The following LRRK1 variants were observed in gnomAD, a reference collection of about 807,000 sequenced individuals.
LRRK1 encodes the protein leucine-rich repeat serine/threonine-protein kinase 1.
In LRRK1, 113 loss-of-function variants were observed where a neutral mutation model predicts 209.1. The observed-to-expected ratio is 0.54, with a 90% confidence interval of 0.46 to 0.63. The LOEUF is 0.63. LRRK1 is among the 30% of genes least tolerant of loss of function. The pLI, the probability that LRRK1 is intolerant of heterozygous loss-of-function variation, is 0.00. For synonymous variants in LRRK1, 1,144 were observed against 1,099.7 expected, an observed-to-expected ratio of 1.04 and a Z score of -0.80; for missense variants, 2,284 against 2,632.2, an observed-to-expected ratio of 0.87 and a Z score of 2.89.
At chr15:101,054,043 A>G (rs1289854736) in intron 26 of LRRK1, among the ~76,000 whole-genome samples, 5 of 151,994 alleles carry the variant, frequency 3.3e-5, no homozygotes, top group Admixed American at 2.6e-4. Context: ...CAGTGGTGCA[A>G]TCTCAGCTCA....
intron 29 of LRRK1, among the ~76,000 whole-genome samples, chr15:101,058,681 G>A (rs1046113043): frequency 2.7e-5 from 4 of 149,140 alleles, no homozygotes; most frequent in African/African-American, 2.5e-5. Context: ...AGGCATTGGG[G>A]TGTTTTCAAG....
chr15:100,994,945 G>A (rs2032332698), intron 6 of LRRK1, among the ~76,000 whole-genome samples: 1 of 152,188 alleles, frequency 6.6e-6, no homozygotes, highest in South Asian at 2.1e-4. Context: ...GGATTAAAGT[G>A]ACAGTTTGGG....
In LRRK1 at chr15:101,012,248, A is replaced by T. The variant is rs1049397800; in HGVS notation, c.1419+103A>T. The T allele has an allele frequency of 3.8e-6, 4 of 1,065,680 alleles. No individual in the cohort carries two copies. The African/African-American group carries it at 4.8e-5, about 13-fold the overall frequency. The allele number at this position is 1,065,680 out of a possible 1,614,324, so 66.0% of individuals were successfully genotyped here. On this transcript the variant is annotated intron_variant, in intron 10 of 33. Coordinates refer to ENST00000388948, the MANE Select transcript of LRRK1 (RefSeq NM_024652.6). ...CTTTTCCTGAGCTTCTGAGATAAAT[A>T]TAAGGGGAAAAGATGAAGAAAAAGT...
At chr15:101,041,728 G>A (rs2034765895) in intron 20 of LRRK1, among the ~76,000 whole-genome samples, 1 of 152,136 alleles carries the variant, frequency 6.6e-6, no homozygotes, top group Non-Finnish European at 1.5e-5. Flanking sequence ...CACAGCTGGT[G>A]GATTTCCAGA....
At chr15:101,009,160 A>G (rs568964231) in intron 7 of LRRK1, 97 bp downstream of exon 7, 19 of 977,604 alleles carry the variant, frequency 1.9e-5, no homozygotes, top group Admixed American at 7.0e-5. Flanking sequence ...GTTTTGGGGG[A>G]AAAATGTTCT....
At position 101,055,219 on chromosome 15, in the gene LRRK1, A is replaced by G; in HGVS notation, c.4328A>G (p.Glu1443Gly). The G allele has an allele frequency of 1.3e-6, 2 of 1,555,488 alleles. No homozygotes were observed. The highest frequency in any genetic ancestry group is 1.7e-6 in the Non-Finnish European group (2 of 1,152,062). Residue 1443 changes from glutamate to glycine, a missense_variant, in exon 27 of 34, where the codon GAG (glutamate) becomes GGG (glycine). Glu to Gly is a moderately conservative substitution (Grantham distance 98, BLOSUM62 -2). This residue lies in a region of LRRK1 where 59 missense variants were observed against 103.8 expected (regional missense o/e 0.57). Transcript: ENST00000388948. Reference protein sequence around the residue: ...PEIRPRIVYDEKVDMFSYGMV... With the variant: ...PEIRPRIVYDGKVDMFSYGMV... ...ATCAGGCCTCGCATTGTATATGATG[A>G]GAAGGTACGTGCCTGGATCCCCTGG...
intron 29 of LRRK1, among the ~76,000 whole-genome samples, chr15:101,059,254 T>C (rs560010426): frequency 1.3e-5 from 2 of 152,008 alleles, no homozygotes; most frequent in African/African-American, 4.8e-5. Flanking sequence ...AAAAATTAGC[T>C]GGGAATGGTG....
chr15:101,006,024 CAT>C (rs1276657960), intron 6 of LRRK1, among the ~76,000 whole-genome samples: 2 of 152,194 alleles, frequency 1.3e-5, no homozygotes, highest in African/African-American at 4.8e-5. Context: ...AGAATTGTCA[CAT>C]AGTCTCAGAA....
In LRRK1 at chr15:101,009,190, G is replaced by A. The variant is rs1348101934; in HGVS notation, c.989+127G>A. On this transcript the variant is annotated intron_variant, in intron 7 of 33. Coordinates refer to ENST00000388948, the MANE Select transcript of LRRK1 (RefSeq NM_024652.6). ...TGTTCTGGCTAAAATAGGAGAAGGA[G>A]TTTTGCCTACCCTGAGGCAAGCCTC... 13 of 743,826 alleles carry A rather than the reference G, an allele frequency of 1.7e-5. No individual in the cohort carries two copies. The Admixed American group carries it at 2.3e-4, about 13-fold the overall frequency. The allele number at this position is 743,826 out of a possible 1,614,324, so 46.1% of individuals were successfully genotyped here. A position where few individuals can be genotyped will look rare whatever the true frequency, so the allele number is the denominator to read the frequency against.
chr15:100,974,466 G>C (rs2031176602), intron 3 of LRRK1, among the ~76,000 whole-genome samples: 2 of 152,170 alleles, frequency 1.3e-5, no homozygotes, highest in African/African-American at 2.4e-5. Context: ...TATAGATGCA[G>C]ACAGATTGCA....
intron 20 of LRRK1, among the ~76,000 whole-genome samples, chr15:101,040,161 G>A (rs1207361409): frequency 2.6e-5 from 4 of 152,044 alleles, no homozygotes; most frequent in African/African-American, 7.2e-5. Context: ...TTAACAGTTT[G>A]ATAGAATTTA....
At chr15:101,059,940 C>T (rs1189107002) in intron 29 of LRRK1, among the ~76,000 whole-genome samples, 1 of 152,178 alleles carries the variant, frequency 6.6e-6, no homozygotes, top group Non-Finnish European at 1.5e-5. Context: ...CCAGACTGGT[C>T]CTGGGAGGCT....
chr15:100,995,331 G>A (rs889236088), intron 6 of LRRK1, among the ~76,000 whole-genome samples: 2 of 152,168 alleles, frequency 1.3e-5, no homozygotes, highest in Admixed American at 6.5e-5. Context: ...ACCTCTGCCC[G>A]CAAAGGGAGA....
At chr15:100,970,128 G>A (rs890714363) in intron 2 of LRRK1, among the ~76,000 whole-genome samples, 1 of 152,170 alleles carries the variant, frequency 6.6e-6, no homozygotes, top group Non-Finnish European at 1.5e-5. Flanking sequence ...GGCCTCAGGT[G>A]ATCCACCTGC....
chr15:100,919,375 C>G lies in LRRK1; in HGVS notation c.-199C>G, dbSNP rs1251015871. 1 of 150,796 alleles carries G rather than the reference C, an allele frequency of 6.6e-6. No homozygotes were observed. The highest frequency in any genetic ancestry group is 2.4e-5 in the African/African-American group (1 of 41,188). The allele number at this position is 150,796 out of a possible 1,614,324, so 9.3% of individuals were successfully genotyped here. ...GGGGGGCAGACGGCGGTGGGACGGC[C>G]AGGCCCCGGCCCCGCCAGTGTGTCC... On this transcript the variant is annotated 5_prime_UTR_variant, in exon 1 of 34. Transcript: ENST00000388948. This position sits in a 1 kb window ranked among gnomAD's most constrained non-coding sequence, Gnocchi z 5.8.
chr15:101,065,982 C>T lies in LRRK1; in HGVS notation c.5545C>T (p.Pro1849Ser), dbSNP rs1021604666. The stretch of plus-strand genomic sequence containing the variant: ...CATGTCCTCCTACTCCTCATCCCCA[C>T]CCCGCCAGGCTGCCAGGTCCCCCTC... ...CSMSSYSSSP[P>S]RQAARSPSSL... Residue 1849 changes from proline to serine, a missense_variant, in exon 32 of 34, where the codon CCC becomes TCC. Coordinates refer to ENST00000388948, the MANE Select transcript of LRRK1 (RefSeq NM_024652.6). 1 of 1,614,150 alleles carries T rather than the reference C, an allele frequency of 6.2e-7. No homozygotes were observed. Among genetic ancestry groups the T allele is most frequent in the Non-Finnish European group, 8.5e-7 (1 of 1,180,034 alleles).
chr15:101,042,737 G>T (rs570803563), intron 20 of LRRK1, among the ~76,000 whole-genome samples: 1 of 152,174 alleles, frequency 6.6e-6, no homozygotes, highest in African/African-American at 2.4e-5. Flanking sequence ...CTTGTCGGGG[G>T]ATTTGTGCAG....
chr15:101,016,708 A>G (rs958242490), intron 12 of LRRK1, among the ~76,000 whole-genome samples: 8 of 152,218 alleles, frequency 5.3e-5, no homozygotes, highest in African/African-American at 1.9e-4. Flanking sequence ...TAGCAGAGCC[A>G]GGTTTCATCC....
Position 101,026,154 on chromosome 15 carries a change from G to C in LRRK1, c.2405+17G>C. 1 of 1,612,696 alleles carries C rather than the reference G, an allele frequency of 6.2e-7. No individual in the cohort carries two copies. The highest frequency in any genetic ancestry group is 8.5e-7 in the Non-Finnish European group (1 of 1,178,852). On this transcript the variant is annotated intron_variant, in intron 17 of 33. Transcript: ENST00000388948. ...ACACTTACAGTGAGTGCCCAGCCTC[G>C]GGCAGCTCCTGCCTTCTTGTGGGTG...
Sources: gnomAD v4.1 joint callset for allele counts (sites outside exome capture counted in the v4.1 genomes callset) on GRCh38, gnomAD v4.1.1 for gene constraint, gnomAD v4.1.1 regional missense constraint, Gnocchi (gnomAD v3.1) non-coding constraint, MANE v1.5 for transcripts, NCBI Gene and HGNC (gene_info 2026-07-23, HGNC 2026-07-21) for gene names.